The following SH3GL1 variants were observed in gnomAD, a reference collection of about 807,000 sequenced individuals.
SH3GL1 encodes the protein SH3 domain containing GRB2 like 1, endophilin A2, also known as endophilin-A2.
Under a neutral mutation model 48.8 loss-of-function variants are expected in SH3GL1, and 21 were observed. The ratio of observed to expected loss-of-function variants is 0.43; its 90% CI spans 0.30 to 0.62. The LOEUF is 0.62. SH3GL1 is among the 20% of genes least tolerant of loss of function. SH3GL1 has a pLI of 0.11. For missense variants in SH3GL1, 454 were observed against 503.0 expected, an observed-to-expected ratio of 0.90 and a Z score of 0.93; for synonymous variants, 282 against 217.5, an observed-to-expected ratio of 1.30 and a Z score of -2.61.
At chr19:4,368,458 C>A (rs1476563719) in intron 1 of SH3GL1, among the ~76,000 whole-genome samples, 1 of 152,224 alleles carries the variant, frequency 6.6e-6, no homozygotes, top group Non-Finnish European at 1.5e-5. Flanking sequence ...AGTGCAAATG[C>A]CCCCAACCCC....
Position 4,400,240 on chromosome 19 carries a change from C to G in SH3GL1, c.45+84G>C. Reference sequence around the variant, plus strand: ...CGTCCCCACCTCGGTCCCCCCGGCCCCCTCCCGGGCCAGGTCGGGCCTGGC... The same window carrying G: ...CGTCCCCACCTCGGTCCCCCCGGCCGCCTCCCGGGCCAGGTCGGGCCTGGC... On this transcript the variant is annotated intron_variant, in intron 1 of 9. Coordinates refer to ENST00000269886, the MANE Select transcript of SH3GL1 (RefSeq NM_003025.4). This position sits in a 1 kb window ranked among gnomAD's most constrained non-coding sequence, Gnocchi z 4.1. 6.9e-7 allele frequency: 1 copy of G among 1,457,306 alleles called. No homozygotes were observed. Among genetic ancestry groups the G allele is most frequent in the Non-Finnish European group, 9.3e-7 (1 of 1,077,970 alleles). The allele number at this position is 1,457,306 out of a possible 1,614,324, so 90.3% of individuals were successfully genotyped here.
intron 1 of SH3GL1, among the ~76,000 whole-genome samples, chr19:4,384,003 T>G (rs1001615118): frequency 6.6e-6 from 1 of 152,194 alleles, no homozygotes; most frequent in Non-Finnish European, 1.5e-5. Context: ...AGGAATGATT[T>G]GGGGCTACAA....
Position 4,366,597 on chromosome 19 carries a change from G to A in SH3GL1, c.115-24C>T, listed in dbSNP as rs1456886227. 2.5e-6 allele frequency: 4 copies of A among 1,604,508 alleles called. No individual in the cohort carries two copies. In the African/African-American group the frequency reaches 4.0e-5, roughly 16 times the overall value. On this transcript the variant is annotated intron_variant, in intron 2 of 9. Transcript: ENST00000269886. The stretch of plus-strand genomic sequence containing the variant: ...TTCTGTGAAGAGAAGCAGCATATAA[G>A]ACTCCACAGCCAGTGGGGGCCCAAG...
intron 1 of SH3GL1, among the ~76,000 whole-genome samples, chr19:4,384,001 T>G (rs1287065101): frequency 6.6e-6 from 1 of 152,132 alleles, no homozygotes; most frequent in Non-Finnish European, 1.5e-5. Context: ...AAAGGAATGA[T>G]TTGGGGCTAC....
chr19:4,370,330 G>A (rs1323924413), intron 1 of SH3GL1, among the ~76,000 whole-genome samples: 1 of 152,226 alleles, frequency 6.6e-6, no homozygotes, highest in Non-Finnish European at 1.5e-5. Context: ...CTCAGCAGTG[G>A]CAATGACAGC....
At chr19:4,366,712 C>T in intron 2 of SH3GL1, 139 bp from the exon 3 acceptor site, 1 of 956,760 alleles carries the variant, frequency 1.0e-6, no homozygotes, top group East Asian at 2.4e-5. Flanking sequence ...TCAGCTCAGC[C>T]ATGTCCCCAC....
At position 4,367,244 on chromosome 19, in the gene SH3GL1, C is replaced by T. The variant is rs1318729105; in HGVS notation, c.46-250G>A. On this transcript the variant is annotated intron_variant, in intron 1 of 9. Coordinates refer to ENST00000269886, the MANE Select transcript of SH3GL1 (RefSeq NM_003025.4). The surrounding 1 kb of genome is among the most constrained non-coding windows in gnomAD (Gnocchi z 4.2). ...CCACCTGTGTGTGTCCCGACTGCCACTCACATACCCACTGGGGACCCTGCC... is the reference window on the plus strand; with the variant it reads ...CCACCTGTGTGTGTCCCGACTGCCATTCACATACCCACTGGGGACCCTGCC... 1.3e-5 allele frequency among the ~76,000 whole-genome samples: 2 copies of T among 152,184 alleles called. No individual in the cohort carries two copies. Among genetic ancestry groups the T allele is most frequent in the Non-Finnish European group, 2.9e-5 (2 of 68,022 alleles).
intron 3 of SH3GL1, among the ~76,000 whole-genome samples, 182 bp downstream of exon 3, chr19:4,366,319 T>G (rs1287171045): frequency 6.6e-6 from 1 of 152,142 alleles, no homozygotes; most frequent in Non-Finnish European, 1.5e-5. Context: ...ACAGAGGGGC[T>G]GAGCTGCTGG....
At position 4,367,207 on chromosome 19, in the gene SH3GL1, G is replaced by A. The variant is rs1972802357; in HGVS notation, c.46-213C>T. ...GGCCTGCAGGGGGAGGGGGAGGGTG[G>A]GGGTGGCCTGCCCACCTGTGTGTGT... On this transcript the variant is annotated intron_variant, in intron 1 of 9. Coordinates refer to ENST00000269886, the MANE Select transcript of SH3GL1 (RefSeq NM_003025.4). This position sits in a 1 kb window ranked among gnomAD's most constrained non-coding sequence, Gnocchi z 4.2. Among the ~76,000 whole-genome samples the A allele has an allele frequency of 6.6e-6, 1 of 152,064 alleles. No homozygotes were observed. The highest frequency in any genetic ancestry group is 1.5e-5 in the Non-Finnish European group (1 of 67,998).
intron 1 of SH3GL1, among the ~76,000 whole-genome samples, chr19:4,385,520 A>G (rs1973219936): frequency 6.6e-6 from 1 of 152,186 alleles, no homozygotes; most frequent in Non-Finnish European, 1.5e-5. Flanking sequence ...CAGGCAGACC[A>G]AAGGTCTTTC....
At chr19:4,369,277 ACTT>A (rs796646722) in intron 1 of SH3GL1, among the ~76,000 whole-genome samples, 14 of 152,234 alleles carry the variant, frequency 9.2e-5, no homozygotes, top group African/African-American at 1.7e-4. Flanking sequence ...GGACAGTTTC[ACTT>A]CTTTTGATTG....
intron 1 of SH3GL1, among the ~76,000 whole-genome samples, chr19:4,373,737 C>T (rs1172422978): frequency 6.6e-6 from 1 of 152,170 alleles, no homozygotes; most frequent in African/African-American, 2.4e-5. Context: ...AGAATGGGCT[C>T]TGCCTCAGAC....
intron 4 of SH3GL1, 56 bp from the exon 5 acceptor site, chr19:4,364,277 G>C: frequency 6.2e-7 from 1 of 1,606,902 alleles, no homozygotes; most frequent in Non-Finnish European, 8.5e-7. Context: ...ACTAGACTGA[G>C]ACACTCCTCA....
chr19:4,379,965 A>G (rs1973088669), intron 1 of SH3GL1, among the ~76,000 whole-genome samples: 1 of 152,164 alleles, frequency 6.6e-6, no homozygotes, highest in Admixed American at 6.5e-5. Flanking sequence ...CCACCCTGCC[A>G]TCATGGTCTG....
At chr19:4,387,072 G>A (rs1001031015) in intron 1 of SH3GL1, among the ~76,000 whole-genome samples, 1 of 152,108 alleles carries the variant, frequency 6.6e-6, no homozygotes, top group African/African-American at 2.4e-5. Flanking sequence ...GAGTAGCTGG[G>A]ACTACAGGTG....
chr19:4,391,175 C>T (rs1973330988), intron 1 of SH3GL1, among the ~76,000 whole-genome samples: 1 of 152,146 alleles, frequency 6.6e-6, no homozygotes, highest in African/African-American at 2.4e-5. Context: ...GCTCAGACCT[C>T]AGGTGCACTG....
chr19:4,365,871 C>T (rs1972765757), intron 3 of SH3GL1, among the ~76,000 whole-genome samples: 1 of 152,214 alleles, frequency 6.6e-6, no homozygotes, highest in South Asian at 2.1e-4. Context: ...CCAAGGGCTG[C>T]TCCTCTTGGA....
rs927001083 is a variant in SH3GL1 at position 4,361,222 on chromosome 19, C to A, written c.*378G>T. The A allele has an allele frequency of 9.7e-6, 3 of 310,644 alleles. No homozygotes were observed. Among genetic ancestry groups the A allele is most frequent in the Non-Finnish European group, 1.8e-5 (3 of 166,022 alleles). 19.2% of individuals were successfully genotyped at this position (310,644 alleles called of 1,614,324 possible). On this transcript the variant is annotated 3_prime_UTR_variant, in exon 10 of 10. Coordinates refer to ENST00000269886, the MANE Select transcript of SH3GL1 (RefSeq NM_003025.4). ...ACTCGAGGGTAGGCAGTGGGCCGGGCCCCCGTCGGGTCAGGACGGAGGTGG... is the reference window on the plus strand; with the variant it reads ...ACTCGAGGGTAGGCAGTGGGCCGGGACCCCGTCGGGTCAGGACGGAGGTGG...
chr19:4,363,103 GGGT>G (rs1784795302), intron 7 of SH3GL1, among the ~76,000 whole-genome samples: 1 of 152,194 alleles, frequency 6.6e-6, no homozygotes, highest in African/African-American at 2.4e-5. Flanking sequence ...AGGGGAGCCT[GGGT>G]GTTCCTGTGG....
Sources: gnomAD v4.1 joint callset for allele counts (sites outside exome capture counted in the v4.1 genomes callset) on GRCh38, gnomAD v4.1.1 for gene constraint, Gnocchi (gnomAD v3.1) non-coding constraint, MANE v1.5 for transcripts, NCBI Gene and HGNC (gene_info 2026-07-23, HGNC 2026-07-21) for gene names.